CATSPERB: variants seen among roughly 807,000 people sequenced by gnomAD.
CATSPERB encodes cation channel sperm-associated auxiliary subunit beta.
Under a neutral mutation model 128.3 loss-of-function variants are expected in CATSPERB, and 93 were observed. That is an observed-to-expected ratio of 0.72 (90% CI 0.61 to 0.86). The LOEUF (loss-of-function observed/expected upper bound fraction) is 0.86. CATSPERB is among the 40% of genes least tolerant of loss of function. The pLI is 0.00. For missense variants in CATSPERB, 1,153 were observed against 1,329.5 expected (o/e 0.87, Z 2.06); for synonymous variants, 381 against 448.8 (o/e 0.85, Z 1.91).
intron 4 of CATSPERB, among the ~76,000 whole-genome samples, chr14:91,722,258 T>C (rs991788072): frequency 2.0e-5 from 3 of 152,208 alleles, no homozygotes; most frequent in Admixed American, 6.5e-5. Context: ...AGCAGCATTA[T>C]TCAGAAGAGC....
chr14:91,613,313 T>C (rs930661431), intron 20 of CATSPERB, among the ~76,000 whole-genome samples: 1 of 152,182 alleles, frequency 6.6e-6, no homozygotes, highest in African/African-American at 2.4e-5. Context: ...TCTACTTTTG[T>C]CTATATCTTA....
chr14:91,719,540 C>G, intron 4 of CATSPERB, 62 bp from the exon 5 acceptor site: 2 of 1,239,376 alleles, frequency 1.6e-6, no homozygotes, highest in Non-Finnish European at 2.3e-6. Flanking sequence ...ACATCACATT[C>G]TATGCTATAT....
At chr14:91,704,486 A>G in intron 7 of CATSPERB, 66 bp downstream of exon 7, 1 of 1,491,034 alleles carries the variant, frequency 6.7e-7, no homozygotes, top group East Asian at 2.3e-5. Context: ...TTCTGCTGCC[A>G]GTTAAACATT....
intron 18 of CATSPERB, 112 bp downstream of exon 18, chr14:91,624,708 G>T: frequency 2.7e-6 from 2 of 732,592 alleles, no homozygotes; most frequent in Non-Finnish European, 4.1e-6. Flanking sequence ...GTTGCCAGTT[G>T]GACTAAAATT....
At chr14:91,616,025 G>A (rs995848315) in intron 20 of CATSPERB, among the ~76,000 whole-genome samples, 12 of 151,816 alleles carry the variant, frequency 7.9e-5, no homozygotes, top group East Asian at 1.9e-4. Context: ...GATTACAGGC[G>A]CATGCCACCA....
chr14:91,669,682 A>G (rs1895051619), intron 14 of CATSPERB, 132 bp downstream of exon 14: 3 of 841,100 alleles, frequency 3.6e-6, no homozygotes, highest in Admixed American at 3.3e-5. Flanking sequence ...TAAATAGTCA[A>G]TAAATATTGT....
At chr14:91,715,153 C>T (rs1353228450) in intron 5 of CATSPERB, 1 of 151,626 alleles carries the variant, frequency 6.6e-6, no homozygotes, top group Non-Finnish European at 1.5e-5. Context: ...TTTTTATGTG[C>T]AAGTTCTCTA....
chr14:91,605,234 C>T, intron 22 of CATSPERB: 2 of 1,545,618 alleles, frequency 1.3e-6, no homozygotes, highest in East Asian at 2.3e-5. Context: ...TTCAGGCCCA[C>T]AAATCACAGG....
At chr14:91,714,523 C>T (rs1378371628) in intron 5 of CATSPERB, among the ~76,000 whole-genome samples, 1 of 150,260 alleles carries the variant, frequency 6.7e-6, no homozygotes, top group Non-Finnish European at 1.5e-5. Flanking sequence ...TTAAAAAGTA[C>T]CACTTACAAT....
chr14:91,725,167 A>T lies in CATSPERB; in HGVS notation c.81T>A (p.Asp27Glu). ...AACATGCAAAGCGTTTCTCTGTATC[A>T]TCTAAATAATAAAAAAAATACATAT... ...EFSSGIVYNK[D>E]DTEKRFACSN... Residue 27 changes from aspartate (D) to glutamate (E), a missense_variant and splice_region_variant, in exon 3 of 27, where the codon GAT becomes GAA. Transcript: ENST00000256343. 6.7e-7 allele frequency: 1 copy of T among 1,483,224 alleles called. No homozygotes were observed. Among genetic ancestry groups the T allele is most frequent in the South Asian group, 1.4e-5 (1 of 74,034 alleles). 91.9% of individuals were successfully genotyped at this position (1,483,224 alleles called of 1,614,324 possible). A position where few individuals can be genotyped will look rare whatever the true frequency, so the allele number is the denominator to read the frequency against.
chr14:91,708,074 T>C (rs1418988146), intron 6 of CATSPERB, 67 bp downstream of exon 6: 15 of 1,014,284 alleles, frequency 1.5e-5, no homozygotes, highest in Non-Finnish European at 2.0e-5. Flanking sequence ...ATCTGGCATA[T>C]AGCGGATGTC....
chr14:91,589,456 T>C (rs1292949895), intron 24 of CATSPERB, 78 bp downstream of exon 24: 2 of 1,420,122 alleles, frequency 1.4e-6, no homozygotes, highest in Non-Finnish European at 1.9e-6. Context: ...GAACAGGCTT[T>C]GAAAACCATT....
At chr14:91,628,791 G>A (rs865909178) in intron 17 of CATSPERB, among the ~76,000 whole-genome samples, 2 of 152,262 alleles carry the variant, frequency 1.3e-5, no homozygotes, top group East Asian at 1.9e-4. Flanking sequence ...TACTGCATAT[G>A]TCATCAGGGA....
chr14:91,590,727 T>C (rs1283987636), intron 23 of CATSPERB, among the ~76,000 whole-genome samples: 1 of 151,804 alleles, frequency 6.6e-6, no homozygotes, highest in Non-Finnish European at 1.5e-5. Context: ...CTCAGCTCAC[T>C]GCAAGCTCCA....
At chr14:91,683,700 A>C (rs1240515630) in intron 11 of CATSPERB, among the ~76,000 whole-genome samples, 177 bp downstream of exon 11, 1 of 152,104 alleles carries the variant, frequency 6.6e-6, no homozygotes, top group Non-Finnish European at 1.5e-5. Context: ...CAGGACACAC[A>C]GACCTTGCAC....
At chr14:91,635,341 GT>G (rs1470921022) in intron 17 of CATSPERB, among the ~76,000 whole-genome samples, 3 of 149,054 alleles carry the variant, frequency 2.0e-5, no homozygotes, top group East Asian at 3.9e-4. Flanking sequence ...AGATTTGGGG[GT>G]TATATAATTC....
Position 91,693,253 on chromosome 14 carries a change from A to G in CATSPERB, c.713-9T>C. Reference sequence around the variant, plus strand: ...TGAAAGGTCTTCATATTCTAAACGAAGAAATCATACCATGGATTAAAAAGT... The same window carrying G: ...TGAAAGGTCTTCATATTCTAAACGAGGAAATCATACCATGGATTAAAAAGT... On this transcript the variant is annotated splice_polypyrimidine_tract_variant and intron_variant, in intron 8 of 26. Coordinates refer to ENST00000256343, the MANE Select transcript of CATSPERB (RefSeq NM_024764.4). 1 of 1,597,730 alleles carries G rather than the reference A, an allele frequency of 6.3e-7. No individual in the cohort carries two copies. The highest frequency in any genetic ancestry group is 8.6e-7 in the Non-Finnish European group (1 of 1,166,514).
chr14:91,702,006 A>G (rs1895659592), intron 7 of CATSPERB, among the ~76,000 whole-genome samples: 1 of 152,134 alleles, frequency 6.6e-6, no homozygotes, highest in East Asian at 1.9e-4. Flanking sequence ...CAGTTGGGGA[A>G]AAGGTGCTTT....
Position 91,672,902 on chromosome 14 carries a change from C to G in CATSPERB, c.1093G>C (p.Glu365Gln). 6.3e-7 allele frequency: 1 copy of G among 1,598,368 alleles called. No homozygotes were observed. Among genetic ancestry groups the G allele is most frequent in the Non-Finnish European group, 8.5e-7 (1 of 1,176,666 alleles). ...AAGAGGTAAACTCCAGTACCACGCT[C>G]TTGGTCAACAAGAAATGTTAGCACA... ...PTVLTFLVDQERGTGVYLFYN... is the reference protein window; with the variant it reads ...PTVLTFLVDQQRGTGVYLFYN... Residue 365 changes from glutamate (E) to glutamine (Q), a missense_variant, in exon 13 of 27, where the codon GAG becomes CAG. Glu to Gln is a conservative substitution (Grantham distance 29). Transcript: ENST00000256343.
Sources: allele counts gnomAD v4.1 joint callset (sites outside exome capture counted in the v4.1 genomes callset), GRCh38; gene constraint gnomAD v4.1.1; transcripts MANE v1.5; gene names NCBI Gene and HGNC (gene_info 2026-07-23, HGNC 2026-07-21).